PRKN: variants seen among roughly 807,000 people sequenced by gnomAD.
The protein encoded by PRKN is E3 ubiquitin-protein ligase parkin.
A neutral mutation model predicts 59.5 loss-of-function variants in PRKN; 56 were observed. The observed-to-expected ratio is 0.94, with a 90% CI of 0.76 to 1.18. PRKN has a LOEUF of 1.18. PRKN is among the 50% of genes most tolerant of loss of function. PRKN has a pLI of 0.00. For synonymous variants in PRKN, 250 were observed against 222.1 expected, an observed-to-expected ratio of 1.13 and a Z score of -1.12; for missense variants, 657 against 596.4, an observed-to-expected ratio of 1.10 and a Z score of -1.06.
intron 1 of PRKN, among the ~76,000 whole-genome samples, chr6:162,687,722 C>T (rs1260107404): frequency 6.6e-6 from 1 of 152,010 alleles, no homozygotes; most frequent in African/African-American, 2.4e-5. Context: ...TAAATTTTCC[C>T]ACCTGTGTTA....
intron 9 of PRKN, among the ~76,000 whole-genome samples, chr6:161,412,391 A>G (rs1306317040): frequency 1.8e-5 from 2 of 109,202 alleles, no homozygotes; most frequent in African/African-American, 7.4e-5. Context: ...CCACTCACTC[A>G]CTCCTTTCTC....
chr6:162,531,983 A>C (rs1393213713), intron 1 of PRKN, among the ~76,000 whole-genome samples: 1 of 152,086 alleles, frequency 6.6e-6, no homozygotes, highest in African/African-American at 2.4e-5. Flanking sequence ...CTTTATCTAC[A>C]TTTGGCCACA....
At chr6:161,860,509 C>T (rs974670886) in intron 6 of PRKN, among the ~76,000 whole-genome samples, 3 of 152,294 alleles carry the variant, frequency 2.0e-5, no homozygotes, top group East Asian at 3.9e-4. Flanking sequence ...CATTGGACAC[C>T]GTTGCCTCAT....
chr6:162,380,867 C>T (rs1338294022), intron 2 of PRKN, among the ~76,000 whole-genome samples: 2 of 152,076 alleles, frequency 1.3e-5, no homozygotes, highest in African/African-American at 2.4e-5. Flanking sequence ...GAGTCTGTAT[C>T]ACTGGACCTA....
At chr6:162,390,796 A>G (rs1413545047) in intron 2 of PRKN, among the ~76,000 whole-genome samples, 2 of 152,174 alleles carry the variant, frequency 1.3e-5, no homozygotes, top group African/African-American at 4.8e-5. Context: ...TTGTTAACAT[A>G]ATAGGAGTAA....
chr6:162,505,432 C>T (rs62428857), intron 1 of PRKN, among the ~76,000 whole-genome samples: 42,110 of 151,888 alleles, frequency 0.28, 6,685 homozygotes, highest in Non-Finnish European at 0.36. Flanking sequence ...CACCTGGAAA[C>T]GTATTAAAAT....
At chr6:162,546,093 G>C (rs1779105848) in intron 1 of PRKN, among the ~76,000 whole-genome samples, 1 of 145,196 alleles carries the variant, frequency 6.9e-6, no homozygotes, top group African/African-American at 2.6e-5. Flanking sequence ...ATGTAAAAGT[G>C]TATGCAGTTT....
Position 162,144,789 on chromosome 6 carries a change from C to T in PRKN, c.534+56342G>A, listed in dbSNP as rs537308125. 5.3e-5 allele frequency among the ~76,000 whole-genome samples: 8 copies of T among 152,200 alleles called. No individual in the cohort carries two copies. The South Asian group carries it at 6.2e-4, about 12-fold the overall frequency. The stretch of plus-strand genomic sequence containing the variant: ...GTTGCTAACCCTGACTGTAAAGCTT[C>T]GGCACAGTGGAAAGTCTCACACTGA... On this transcript the variant is annotated intron_variant, in intron 4 of 11. Coordinates refer to ENST00000366898, the MANE Select transcript of PRKN (RefSeq NM_004562.3).
chr6:162,478,932 G>A (rs1277240948), intron 1 of PRKN, among the ~76,000 whole-genome samples: 7 of 152,150 alleles, frequency 4.6e-5, no homozygotes, highest in African/African-American at 7.2e-5. Context: ...ATCAGGGAGC[G>A]AGTGGCGAGT....
At chr6:161,469,247 G>A (rs575898394) in intron 9 of PRKN, among the ~76,000 whole-genome samples, 1 of 151,104 alleles carries the variant, frequency 6.6e-6, no homozygotes, top group South Asian at 2.1e-4. Flanking sequence ...GTTCTCAGAA[G>A]ATCTGACTTT....
chr6:162,469,428 G>A (rs763526637), intron 1 of PRKN, among the ~76,000 whole-genome samples: 1 of 151,508 alleles, frequency 6.6e-6, no homozygotes, highest in South Asian at 2.1e-4. Context: ...ACAGTTCCAG[G>A]TTGCAAAAAT....
chr6:161,632,167 A>G (rs931403801), intron 7 of PRKN, among the ~76,000 whole-genome samples: 3 of 152,168 alleles, frequency 2.0e-5, no homozygotes, highest in African/African-American at 7.2e-5. Flanking sequence ...GAGAGGTCTT[A>G]TTTATTTTTT....
chr6:161,963,086 T>C (rs567748265), intron 6 of PRKN, among the ~76,000 whole-genome samples: 49 of 152,272 alleles, frequency 3.2e-4, no homozygotes, highest in Non-Finnish European at 5.9e-4. Flanking sequence ...GAAGTTGCAG[T>C]GAGCCAAGAT....
chr6:162,453,808 C>A (rs1790737282), intron 1 of PRKN, among the ~76,000 whole-genome samples: 1 of 152,034 alleles, frequency 6.6e-6, no homozygotes, highest in Non-Finnish European at 1.5e-5. Context: ...GAGGCTGAGA[C>A]AGGAGAATCA....
chr6:161,965,803 C>T (rs1047331421), intron 6 of PRKN, among the ~76,000 whole-genome samples: 2 of 151,950 alleles, frequency 1.3e-5, no homozygotes, highest in African/African-American at 2.4e-5. Context: ...TGTCTAAAGA[C>T]CTGGGAGGGA....
intron 4 of PRKN, among the ~76,000 whole-genome samples, chr6:162,105,012 T>G (rs1780130493): frequency 6.6e-6 from 1 of 152,180 alleles, no homozygotes; most frequent in Admixed American, 6.5e-5. Context: ...TTGGCCATAA[T>G]CTATGGAGGC....
chr6:161,771,739 AT>A (rs1397623752), intron 7 of PRKN, among the ~76,000 whole-genome samples: 2 of 152,214 alleles, frequency 1.3e-5, no homozygotes, highest in African/African-American at 4.8e-5. Flanking sequence ...TGGTTTGGGT[AT>A]TAGATATTTA....
chr6:161,735,747 T>C (rs1787937934), intron 7 of PRKN, among the ~76,000 whole-genome samples: 1 of 151,998 alleles, frequency 6.6e-6, no homozygotes, highest in Admixed American at 6.6e-5. Context: ...AAACTCCATC[T>C]CTACTAAAAA....
chr6:161,454,961 G>T lies in PRKN; in HGVS notation c.1084-68084C>A, dbSNP rs917759455. 9.2e-5 allele frequency among the ~76,000 whole-genome samples: 14 copies of T among 151,610 alleles called. No individual in the cohort carries two copies. The highest frequency in any genetic ancestry group is 1.9e-4 in the African/African-American group (8 of 41,274). ...TTCTCTAGACATTATATTACATCTA[G>T]ATTTGTCATATCCTGTCTCTCCTAT... On this transcript the variant is annotated intron_variant, in intron 9 of 11. Coordinates refer to ENST00000366898, the MANE Select transcript of PRKN (RefSeq NM_004562.3). This position sits in a 1 kb window ranked among gnomAD's most constrained non-coding sequence, Gnocchi z 4.6.
Sources: gnomAD v4.1 joint callset for allele counts (sites outside exome capture counted in the v4.1 genomes callset) on GRCh38, gnomAD v4.1.1 for gene constraint, Gnocchi (gnomAD v3.1) non-coding constraint, MANE v1.5 for transcripts, NCBI Gene and HGNC (gene_info 2026-07-23, HGNC 2026-07-21) for gene names.